Variants in EDARADD observed in about 807,000 individuals in gnomAD.
The protein encoded by EDARADD is ectodysplasin-A receptor-associated adapter protein.
In EDARADD, 20 loss-of-function variants were observed where a neutral mutation model predicts 25.6. That is an observed-to-expected ratio of 0.78 (90% CI 0.55 to 1.14). EDARADD has a LOEUF of 1.14. EDARADD is among the 50% of genes most tolerant of loss of function. The pLI is 0.00. For missense variants in EDARADD, 225 were observed against 270.1 expected (o/e 0.83, Z 1.17); for synonymous variants, 86 against 94.4 (o/e 0.91, Z 0.52).
intron 3 of EDARADD, among the ~76,000 whole-genome samples, chr1:236,422,707 C>T (rs145561130): frequency 1.3e-5 from 2 of 152,264 alleles, no homozygotes; most frequent in East Asian, 1.9e-4. Flanking sequence ...CCCAGATAAC[C>T]TAGGAGTCTG....
At chr1:236,439,857 C>T (rs541994533) in intron 4 of EDARADD, among the ~76,000 whole-genome samples, 50 of 152,072 alleles carry the variant, frequency 3.3e-4, no homozygotes, top group Non-Finnish European at 5.7e-4. Context: ...TTAATGAAGT[C>T]CAGTTTATCA....
At chr1:236,385,270 G>T (rs895376912) in intron 3 of EDARADD, among the ~76,000 whole-genome samples, 4 of 151,718 alleles carry the variant, frequency 2.6e-5, no homozygotes, top group African/African-American at 9.7e-5. Context: ...TTAGCCAGGC[G>T]TGGTGGTGGG....
chr1:236,481,336 G>A (rs971033747), intron 5 of EDARADD, among the ~76,000 whole-genome samples: 8 of 152,254 alleles, frequency 5.3e-5, no homozygotes, highest in African/African-American at 1.9e-4. Flanking sequence ...AGAGAGTTCT[G>A]TTTGCTGGAG....
chr1:236,409,979 G>A (rs1657410810), intron 2 of EDARADD, among the ~76,000 whole-genome samples: 1 of 152,054 alleles, frequency 6.6e-6, no homozygotes. Flanking sequence ...GCTGCCTTCT[G>A]AGCCACATCC....
chr1:236,480,442 G>A (rs1481496378), intron 5 of EDARADD, among the ~76,000 whole-genome samples: 1 of 151,972 alleles, frequency 6.6e-6, no homozygotes, highest in Admixed American at 6.6e-5. Context: ...ACATTAGTAG[G>A]TCAAAGAGTA....
At chr1:236,459,368 C>G (rs1658976832) in intron 4 of EDARADD, among the ~76,000 whole-genome samples, 1 of 152,124 alleles carries the variant, frequency 6.6e-6, no homozygotes, top group African/African-American at 2.4e-5. Flanking sequence ...TATCTTTCAT[C>G]TTTGAAACCA....
At chr1:236,375,517 G>T (rs1667215082) in intron 3 of EDARADD, among the ~76,000 whole-genome samples, 1 of 151,960 alleles carries the variant, frequency 6.6e-6, no homozygotes, top group Non-Finnish European at 1.5e-5. Flanking sequence ...TTAGCCAGGT[G>T]TGGTGGCTCA....
At chr1:236,423,473 G>C (rs1245891564) in intron 3 of EDARADD, among the ~76,000 whole-genome samples, 1 of 152,124 alleles carries the variant, frequency 6.6e-6, no homozygotes, top group African/African-American at 2.4e-5. Flanking sequence ...AAAATGTCAA[G>C]TGAGAATGTC....
intron 3 of EDARADD, among the ~76,000 whole-genome samples, chr1:236,422,560 C>T (rs1172678829): frequency 6.6e-6 from 1 of 152,220 alleles, no homozygotes; most frequent in Non-Finnish European, 1.5e-5. Flanking sequence ...TGGGTCCTTC[C>T]TTTATCAGGG....
intron 4 of EDARADD, among the ~76,000 whole-genome samples, chr1:236,445,247 A>ATTTTTTTTTTTTTTTTTTTC (rs1658503234): frequency 6.4e-5 from 1 of 15,618 alleles, no homozygotes; most frequent in African/African-American, 1.0e-4. Flanking sequence ...TTTTTTTTTG[A>ATTTTTTTTTTTTTTTTTTTC]GACAGAGTCT....
At chr1:236,361,827 G>A (rs1047580549) in intron 3 of EDARADD, among the ~76,000 whole-genome samples, 66 of 151,710 alleles carry the variant, frequency 4.4e-4, no homozygotes, top group African/African-American at 1.6e-3. Context: ...GGTCGTTTGG[G>A]TTGTTTCCAG....
At position 236,395,935 on chromosome 1, in the gene EDARADD, C is replaced by T. The variant is rs1175478317; in HGVS notation, c.61+1430C>T. Among the ~76,000 whole-genome samples the T allele has an allele frequency of 6.6e-6, 1 of 152,216 alleles. No individual in the cohort carries two copies. Among genetic ancestry groups the T allele is most frequent in the Admixed American group, 6.5e-5 (1 of 15,290 alleles). ...CCTTCCCCCTGCCCATGCCGCAGCC[C>T]CCGTGGCTTTTGTTCTGGACTCGGG... On this transcript the variant is annotated intron_variant, in intron 1 of 5. Transcript: ENST00000334232. The surrounding 1 kb of genome is among the most constrained non-coding windows in gnomAD (Gnocchi z 6.9).
At chr1:236,447,219 TCTTTC>T (rs1383969755) in intron 4 of EDARADD, among the ~76,000 whole-genome samples, 7,053 of 41,542 alleles carry the variant, frequency 0.17, 201 homozygotes, top group Non-Finnish European at 0.27. Context: ...TTTCTTTCTT[TCTTTC>T]CTTTCTTTCC....
At chr1:236,423,195 A>G (rs1399906655) in intron 3 of EDARADD, among the ~76,000 whole-genome samples, 1 of 152,218 alleles carries the variant, frequency 6.6e-6, no homozygotes, top group Non-Finnish European at 1.5e-5. Flanking sequence ...AAGTACTGGC[A>G]TCAATGAGAT....
At position 236,414,304 on chromosome 1, in the gene EDARADD, G is replaced by A; in HGVS notation, c.160+5G>A. On this transcript the variant is annotated splice_donor_5th_base_variant and intron_variant, in intron 3 of 5. Transcript: ENST00000334232. ...AAGATACGGAACTCCCTAAAGGTAT[G>A]TACAGTTAAAATAACTACTTGAACA... The A allele has an allele frequency of 6.2e-7, 1 of 1,605,900 alleles. No individual in the cohort carries two copies. The highest frequency in any genetic ancestry group is 8.5e-7 in the Non-Finnish European group (1 of 1,172,974).
intron 4 of EDARADD, among the ~76,000 whole-genome samples, chr1:236,453,310 G>A (rs550254013): frequency 1.3e-3 from 178 of 137,446 alleles, no homozygotes; most frequent in African/African-American, 4.8e-3. Flanking sequence ...ATGGAGTCTC[G>A]CTGTCACCCA....
At chr1:236,453,288 T>C (rs1293576227) in intron 4 of EDARADD, among the ~76,000 whole-genome samples, 4 of 150,312 alleles carry the variant, frequency 2.7e-5, no homozygotes, top group African/African-American at 7.4e-5. Flanking sequence ...CTTTTTTTTT[T>C]TTTTTTTTGA....
intron 1 of EDARADD, among the ~76,000 whole-genome samples, chr1:236,408,776 T>C (rs1667782522): frequency 6.6e-6 from 1 of 151,868 alleles, no homozygotes; most frequent in Non-Finnish European, 1.5e-5. Context: ...TTTTTTGAGA[T>C]GGAGTCTCAC....
At chr1:236,411,893 G>A (rs1657497163) in intron 2 of EDARADD, among the ~76,000 whole-genome samples, 1 of 152,098 alleles carries the variant, frequency 6.6e-6, no homozygotes, top group African/African-American at 2.4e-5. Context: ...TGGGTCAAGG[G>A]CCTACCCTCC....
Sources: gnomAD v4.1 joint callset for allele counts (sites outside exome capture counted in the v4.1 genomes callset) on GRCh38, gnomAD v4.1.1 for gene constraint, Gnocchi (gnomAD v3.1) non-coding constraint, MANE v1.5 for transcripts, NCBI Gene and HGNC (gene_info 2026-07-23, HGNC 2026-07-21) for gene names.